QSER1: variants seen among roughly 807,000 people sequenced by gnomAD.
QSER1 encodes glutamine and serine-rich protein 1.
QSER1 carries 49 observed loss-of-function variants against 158.5 expected under a neutral mutation model. The observed-to-expected ratio is 0.31, with a 90% CI of 0.25 to 0.39. The LOEUF (loss-of-function observed/expected upper bound fraction) is 0.39. Among genes scored for constraint, QSER1 ranks in the 10% least tolerant of loss-of-function variants. The pLI is 1.00. For synonymous variants in QSER1, 650 were observed against 715.5 expected (o/e 0.91, Z 1.46); for missense variants, 1,754 against 2,010.3 (o/e 0.87, Z 2.44).
intron 4 of QSER1, among the ~76,000 whole-genome samples, chr11:32,953,104 A>G (rs1190584286): frequency 2.0e-5 from 3 of 151,864 alleles, no homozygotes; most frequent in East Asian, 1.9e-4. Context: ...CATGGCCCCA[A>G]TCTTTTTTAG....
chr11:32,965,929 G>A (rs886875665), intron 8 of QSER1, among the ~76,000 whole-genome samples: 2 of 99,890 alleles, frequency 2.0e-5, no homozygotes, highest in African/African-American at 6.4e-5. Context: ...CAACAAGAGT[G>A]AAACTCTGTC....
At chr11:32,919,177 A>C (rs1028023833) in intron 1 of QSER1, among the ~76,000 whole-genome samples, 1 of 151,870 alleles carries the variant, frequency 6.6e-6, no homozygotes, top group Non-Finnish European at 1.5e-5. Flanking sequence ...TTTTAGAGAC[A>C]GAGTCTTGCT....
At position 32,893,008 on chromosome 11, in the gene QSER1, C is replaced by T. The variant is rs994785946; in HGVS notation, c.-118C>T. Among the ~76,000 whole-genome samples, 11 of 147,740 alleles carry T rather than the reference C, an allele frequency of 7.4e-5. No individual in the cohort carries two copies. The highest frequency in any genetic ancestry group is 2.1e-4 in the South Asian group (1 of 4,776). On this transcript the variant is annotated 5_prime_UTR_variant, in exon 1 of 13. Coordinates refer to ENST00000650167, the MANE Select transcript of QSER1 (RefSeq NM_001076786.3). The surrounding 1 kb of genome is among the most constrained non-coding windows in gnomAD (Gnocchi z 4.7). Reference sequence around the variant, plus strand: ...TCGCCGGGGCCATGTGAGGGGGCAGCTCCCTCCACCGCCGCCGCCCCCTCT... The same window carrying T: ...TCGCCGGGGCCATGTGAGGGGGCAGTTCCCTCCACCGCCGCCGCCCCCTCT...
chr11:32,942,033 T>A (rs1417571473), intron 4 of QSER1, among the ~76,000 whole-genome samples: 2 of 150,018 alleles, frequency 1.3e-5, no homozygotes, highest in East Asian at 3.9e-4. Context: ...ATGTCTTCTT[T>A]TGAGAAGTGT....
At chr11:32,908,817 T>C (rs966685609) in intron 1 of QSER1, among the ~76,000 whole-genome samples, 1 of 152,214 alleles carries the variant, frequency 6.6e-6, no homozygotes, top group Non-Finnish European at 1.5e-5. Context: ...TTTTGAGGAA[T>C]TGCCAAATTT....
intron 4 of QSER1, among the ~76,000 whole-genome samples, chr11:32,938,287 T>C (rs1238167421): frequency 6.6e-6 from 1 of 152,188 alleles, no homozygotes; most frequent in African/African-American, 2.4e-5. Context: ...ATTGTAGTTA[T>C]TATACTGCAA....
chr11:32,976,317 C>A lies in QSER1; in HGVS notation c.5455-17C>A, dbSNP rs370504933. 6.4e-7 allele frequency: 1 copy of A among 1,570,092 alleles called. No individual in the cohort carries two copies. ...ATGTGATAAGTATAAGCTAATTTGG[C>A]GATTTTCTTTTTTTAGATTTCTTCG... On this transcript the variant is annotated splice_polypyrimidine_tract_variant and intron_variant, in intron 12 of 12. Transcript: ENST00000650167.
At chr11:32,953,600 C>A (rs998353075) in intron 4 of QSER1, among the ~76,000 whole-genome samples, 1 of 152,128 alleles carries the variant, frequency 6.6e-6, no homozygotes, top group African/African-American at 2.4e-5. Context: ...TAATTTTGCT[C>A]TACTTACATG....
At chr11:32,917,575 C>T (rs1851848703) in intron 1 of QSER1, among the ~76,000 whole-genome samples, 1 of 152,028 alleles carries the variant, frequency 6.6e-6, no homozygotes, top group African/African-American at 2.4e-5. Flanking sequence ...TCTGTAATCC[C>T]AGCACTTTGG....
chr11:32,917,047 G>T (rs1178091067), intron 1 of QSER1, among the ~76,000 whole-genome samples: 1 of 152,082 alleles, frequency 6.6e-6, no homozygotes, highest in South Asian at 2.1e-4. Context: ...TCGGCCTCCC[G>T]CAGTGCTGGG....
chr11:32,937,171 A>G (rs1746930268), intron 4 of QSER1, among the ~76,000 whole-genome samples: 1 of 152,162 alleles, frequency 6.6e-6, no homozygotes, highest in Non-Finnish European at 1.5e-5. Flanking sequence ...GATCCTTACT[A>G]TTAGGTCTTT....
At chr11:32,965,657 C>T (rs1018876292) in intron 8 of QSER1, among the ~76,000 whole-genome samples, 7 of 151,984 alleles carry the variant, frequency 4.6e-5, no homozygotes, top group East Asian at 1.9e-4. Flanking sequence ...TCAGAATCAC[C>T]TAGGAAGGGC....
At position 32,952,934 on chromosome 11, in the gene QSER1, C is replaced by T. The variant is rs1194805737; in HGVS notation, c.4178-923C>T. ...TCTCCTGCCTCACCCTCCTGAGTAG[C>T]GGGGATTAAAGGCGCGCACCACCAC... On this transcript the variant is annotated intron_variant, in intron 4 of 12. Transcript: ENST00000650167. Among the ~76,000 whole-genome samples, 4 of 151,540 alleles carry T rather than the reference C, an allele frequency of 2.6e-5. No homozygotes were observed. The East Asian group carries it at 7.8e-4, about 29-fold the overall frequency.
chr11:32,909,238 T>C (rs1851733505), intron 1 of QSER1, among the ~76,000 whole-genome samples: 1 of 152,214 alleles, frequency 6.6e-6, no homozygotes, highest in South Asian at 2.1e-4. Context: ...TTATTATTGC[T>C]CATTCATTTC....
Position 32,932,865 on chromosome 11 carries a change from A to G in QSER1, c.1607A>G (p.Asn536Ser). The change falls in exon 4 of 13, where the codon AAT becomes AGT. Residue 536 changes from asparagine to serine, a missense_variant. Asn to Ser is a conservative substitution (Grantham distance 46). Transcript: ENST00000650167. The part of the protein sequence containing the change: ...NQQEVLSSVT[N>S]ENYPAQTRDL... ...CAAGAGGTATTGTCTTCAGTTACAAATGAGAATTACCCTGCTCAAACAAGA... is the reference window on the plus strand; with the variant it reads ...CAAGAGGTATTGTCTTCAGTTACAAGTGAGAATTACCCTGCTCAAACAAGA... The G allele has an allele frequency of 5.6e-6, 9 of 1,614,132 alleles. No individual in the cohort carries two copies. Among genetic ancestry groups the G allele is most frequent in the Non-Finnish European group, 5.9e-6 (7 of 1,180,020 alleles).
rs779327011 is a variant in QSER1, at chr11:32,954,102, A to C, written c.4423A>C (p.Thr1475Pro). The change falls in exon 5 of 13, where the codon ACA becomes CCA. Residue 1475 changes from threonine to proline, a missense_variant. Thr to Pro is a conservative substitution (Grantham distance 38, BLOSUM62 -1). This residue lies in a region of QSER1 where 1,707 missense variants were observed against 1,919.6 expected (regional missense o/e 0.89). Coordinates refer to ENST00000650167, the MANE Select transcript of QSER1 (RefSeq NM_001076786.3). ...AGAAGGTTTTACAGATGAGGAGGAC[A>C]CAGAAAGCGGAGGAGAAGGCCAATA... Reference protein sequence around the residue: ...AIEGFTDEEDTESGGEGQYRE... With the variant: ...AIEGFTDEEDPESGGEGQYRE... The C allele has an allele frequency of 1.9e-6, 3 of 1,614,142 alleles. No homozygotes were observed. In the South Asian group the frequency reaches 3.3e-5, roughly 18 times the overall value.
chr11:32,976,353 A>G lies in QSER1; in HGVS notation c.5474A>G (p.Lys1825Arg), dbSNP rs770449134. ...TTTTAGATTTCTTCGGTGCAGAAAAAAAATGAAGATTTAGGACAGGAGGAA... is the reference window on the plus strand; with the variant it reads ...TTTTAGATTTCTTCGGTGCAGAAAAGAAATGAAGATTTAGGACAGGAGGAA... ...CKDEISSVQK[K>R]NEDLGQEEIV... The change falls in exon 13 of 13, where the codon AAA (lysine) becomes AGA (arginine). Residue 1825 changes from lysine (K) to arginine (R), a missense_variant. Around this residue, in one of 2 missense-constraint regions of QSER1, gnomAD observed 47 missense variants for 90.7 expected, o/e 0.52. Transcript: ENST00000650167. 2 of 1,588,080 alleles carry G rather than the reference A, an allele frequency of 1.3e-6. No individual in the cohort carries two copies. Among genetic ancestry groups the G allele is most frequent in the South Asian group, 1.2e-5 (1 of 85,124 alleles).
At chr11:32,906,379 C>T (rs922489327) in intron 1 of QSER1, among the ~76,000 whole-genome samples, 7 of 152,082 alleles carry the variant, frequency 4.6e-5, no homozygotes, top group African/African-American at 7.2e-5. Flanking sequence ...CCGAGATCGG[C>T]GCCACTGCAC....
chr11:32,958,590 C>T (rs1301016290), intron 8 of QSER1, among the ~76,000 whole-genome samples: 3 of 152,084 alleles, frequency 2.0e-5, no homozygotes, highest in Non-Finnish European at 4.4e-5. Flanking sequence ...CTTTGTCACC[C>T]AGGATGGTCT....
Sources: gnomAD v4.1 joint callset for allele counts (sites outside exome capture counted in the v4.1 genomes callset) on GRCh38, gnomAD v4.1.1 for gene constraint, gnomAD v4.1.1 regional missense constraint, Gnocchi (gnomAD v3.1) non-coding constraint, MANE v1.5 for transcripts, NCBI Gene and HGNC (gene_info 2026-07-23, HGNC 2026-07-21) for gene names.